The following RBM6 variants were observed in gnomAD, a reference collection of about 807,000 sequenced individuals.
The protein encoded by RBM6 is RNA-binding protein 6.
RBM6 carries 23 observed loss-of-function variants against 140.4 expected under a neutral mutation model. The ratio of observed to expected loss-of-function variants is 0.16; its 90% CI spans 0.12 to 0.23. The LOEUF is 0.23. RBM6 is among the 10% of genes least tolerant of loss of function. RBM6 has a pLI of 1.00. For missense variants in RBM6, 1,139 were observed against 1,386.7 expected (o/e 0.82, Z 2.84); for synonymous variants, 439 against 475.6 (o/e 0.92, Z 1.00).
intron 8 of RBM6, among the ~76,000 whole-genome samples, chr3:50,055,291 G>A (rs780067628): frequency 6.6e-6 from 1 of 152,208 alleles, no homozygotes; most frequent in South Asian, 2.1e-4. Flanking sequence ...AGCCACAGGT[G>A]TGGTGGCACA....
chr3:49,943,418 A>G lies in RBM6; in HGVS notation c.-67+3193A>G, dbSNP rs9835029. 3.4e-3 allele frequency among the ~76,000 whole-genome samples: 522 copies of G among 152,086 alleles called. 3 individuals are homozygous for G. The highest frequency in any genetic ancestry group is 0.012 in the African/African-American group (504 of 41,470). On this transcript the variant is annotated intron_variant, in intron 1 of 20. Transcript: ENST00000266022. ...CGAGCTCAAGCAGTCATCCCGCCTC[A>G]GCTTCCTGAGTAGCTGGGACTACAG...
chr3:50,037,173 G>A (rs2088592408), intron 6 of RBM6, among the ~76,000 whole-genome samples: 1 of 152,118 alleles, frequency 6.6e-6, no homozygotes, highest in African/African-American at 2.4e-5. Flanking sequence ...GCTGTGGCAG[G>A]AGGATCATTT....
intron 6 of RBM6, among the ~76,000 whole-genome samples, chr3:50,024,770 G>C (rs1159344317): frequency 1.3e-5 from 2 of 152,074 alleles, no homozygotes; most frequent in African/African-American, 4.8e-5. Context: ...TGGCTAACAC[G>C]GTGAAACCCC....
intron 6 of RBM6, among the ~76,000 whole-genome samples, chr3:50,041,815 A>C (rs1203197398): frequency 6.6e-6 from 1 of 152,124 alleles, no homozygotes; most frequent in Non-Finnish European, 1.5e-5. Flanking sequence ...TCTCTCTAAA[A>C]ACTCCCTATG....
chr3:49,951,356 A>G lies in RBM6; in HGVS notation c.-67+11131A>G, dbSNP rs569560505. ...GCGTCCTCAGTAGCTGGGACTACAG[A>G]TGTGTTCCACCTTGTCCGGCTGATT... On this transcript the variant is annotated intron_variant, in intron 1 of 20. Coordinates refer to ENST00000266022, the MANE Select transcript of RBM6 (RefSeq NM_005777.3). Among the ~76,000 whole-genome samples, 232 of 151,204 alleles carry G rather than the reference A, an allele frequency of 1.5e-3. 5 individuals are homozygous for G. The highest frequency in any genetic ancestry group is 6.9e-4 in the Non-Finnish European group (47 of 67,842).
intron 2 of RBM6, among the ~76,000 whole-genome samples, chr3:49,964,480 G>A (rs1354106999): frequency 6.6e-6 from 1 of 152,066 alleles, no homozygotes; most frequent in Non-Finnish European, 1.5e-5. Context: ...GCCTGTTTTT[G>A]TAAATAAAGT....
intron 6 of RBM6, among the ~76,000 whole-genome samples, chr3:50,014,018 A>G (rs775988903): frequency 6.6e-6 from 1 of 152,136 alleles, no homozygotes; most frequent in African/African-American, 2.4e-5. Context: ...CACACAAAGA[A>G]TCATCTGGCC....
chr3:49,992,960 ATTTG>A (rs753093224), intron 5 of RBM6, among the ~76,000 whole-genome samples: 15 of 152,254 alleles, frequency 9.9e-5, no homozygotes, highest in African/African-American at 2.9e-4. Flanking sequence ...GATTGAGTAT[ATTTG>A]TTTGTTTGTT....
At chr3:50,050,729 T>C (rs1390802806) in intron 7 of RBM6, among the ~76,000 whole-genome samples, 1 of 152,190 alleles carries the variant, frequency 6.6e-6, no homozygotes, top group Non-Finnish European at 1.5e-5. Flanking sequence ...TTGCCAACAT[T>C]TGTTCTTTTC....
intron 13 of RBM6, 101 bp from the exon 14 acceptor site, chr3:50,061,361 C>A: frequency 6.3e-7 from 1 of 1,579,124 alleles, no homozygotes; most frequent in Non-Finnish European, 8.6e-7. Context: ...GTAGATGCAC[C>A]TATTTGTGTT....
At chr3:49,990,329 A>G (rs1266108529) in intron 5 of RBM6, among the ~76,000 whole-genome samples, 1 of 152,206 alleles carries the variant, frequency 6.6e-6, no homozygotes, top group South Asian at 2.1e-4. Context: ...ACCATAGGCA[A>G]TTGAGACACA....
At position 50,048,289 on chromosome 3, in the gene RBM6, AT is replaced by A; in HGVS notation, c.1603del (p.Ser535GlnfsTer31). 1 of 1,613,274 alleles carries A rather than the reference AT, an allele frequency of 6.2e-7. No homozygotes were observed. Among genetic ancestry groups the A allele is most frequent in the Non-Finnish European group, 8.5e-7 (1 of 1,179,680 alleles). On this transcript the variant is annotated frameshift_variant, in exon 7 of 21. Transcript: ENST00000266022. LOFTEE classifies it high-confidence loss of function. ...ACAAAGAAGTTACCCTGGAGTATGT[AT>A]CAAGCCTGGATTTTTGGTACTGCAA... ...QDKEVTLEYV[S>X]SLDFWYCKRC...
At chr3:50,017,431 G>A (rs531477532) in intron 6 of RBM6, among the ~76,000 whole-genome samples, 2 of 151,872 alleles carry the variant, frequency 1.3e-5, no homozygotes, top group African/African-American at 4.8e-5. Flanking sequence ...GGTGGTGGGC[G>A]CCTGAAGTCC....
chr3:49,999,037 CT>C (rs59944289), intron 5 of RBM6, among the ~76,000 whole-genome samples: 1,891 of 134,816 alleles, frequency 0.014, 31 homozygotes, highest in African/African-American at 0.038. Context: ...CTCGGGATAC[CT>C]TTTTTTTTTT....
At chr3:50,002,851 C>A (rs568171216) in intron 6 of RBM6, among the ~76,000 whole-genome samples, 2 of 152,198 alleles carry the variant, frequency 1.3e-5, no homozygotes, top group South Asian at 4.1e-4. Flanking sequence ...CCTGTCTCCT[C>A]AGGGTGAATA....
At chr3:50,061,727 T>C (rs1251313725) in intron 14 of RBM6, 180 bp downstream of exon 14, 1 of 1,404,740 alleles carries the variant, frequency 7.1e-7, no homozygotes, top group Admixed American at 2.9e-5. Context: ...ATATGGAAAA[T>C]CAGTGCCTTG....
At chr3:50,052,337 T>C (rs2089503974) in intron 7 of RBM6, among the ~76,000 whole-genome samples, 1 of 152,214 alleles carries the variant, frequency 6.6e-6, no homozygotes, top group Non-Finnish European at 1.5e-5. Flanking sequence ...AGTACTGGGA[T>C]TACTGGCATG....
At chr3:50,039,347 C>A (rs531038783) in intron 6 of RBM6, among the ~76,000 whole-genome samples, 1 of 152,264 alleles carries the variant, frequency 6.6e-6, no homozygotes, top group East Asian at 1.9e-4. Flanking sequence ...TCAAGCGATG[C>A]TCCTGCCTCA....
At chr3:49,993,980 T>C (rs1351599815) in intron 5 of RBM6, among the ~76,000 whole-genome samples, 1 of 152,238 alleles carries the variant, frequency 6.6e-6, no homozygotes, top group African/African-American at 2.4e-5. Context: ...GGGTTTCATG[T>C]GGACCAATTT....
Sources: gnomAD v4.1 joint callset for allele counts (sites outside exome capture counted in the v4.1 genomes callset) on GRCh38, gnomAD v4.1.1 for gene constraint, MANE v1.5 for transcripts, NCBI Gene and HGNC (gene_info 2026-07-23, HGNC 2026-07-21) for gene names.